MAN2B1: variants seen among roughly 807,000 people sequenced by gnomAD.
The protein encoded by MAN2B1 is lysosomal alpha-mannosidase.
A neutral mutation model predicts 127.5 loss-of-function variants in MAN2B1; 99 were observed. That is an observed-to-expected ratio of 0.78 (90% CI 0.66 to 0.92). The LOEUF (loss-of-function observed/expected upper bound fraction) is 0.92, where lower values mean the gene tolerates loss of function less well. Among genes scored for constraint, MAN2B1 ranks in the 40% least tolerant of loss-of-function variants. MAN2B1 has a pLI of 0.00. For missense variants in MAN2B1, 1,304 were observed against 1,384.8 expected (o/e 0.94, Z 0.93); for synonymous variants, 573 against 568.8 (o/e 1.01, Z -0.11).
chr19:12,648,225 C>T lies in MAN2B1; in HGVS notation c.2614G>A (p.Ala872Thr), dbSNP rs2023743167. The stretch of plus-strand genomic sequence containing the variant: ...TTGTAGGCGGCGCCGCCACCCGGGG[C>T]CAGCACCACCTGAGGGGCCAGGACC... The part of the protein sequence containing the change: ...QEVLAPQVVL[A>T]PGGGAAYNLG... The change falls in exon 21 of 24, where the codon GCC becomes ACC. Residue 872 changes from alanine (A) to threonine (T), a missense_variant. By Grantham distance (58) the Ala-to-Thr change is moderately conservative (BLOSUM62 0). Transcript: ENST00000456935. 2.5e-6 allele frequency: 4 copies of T among 1,581,788 alleles called. No homozygotes were observed. The highest frequency in any genetic ancestry group is 2.6e-6 in the Non-Finnish European group (3 of 1,169,872).
chr19:12,655,053 A>G (rs1231462498), intron 14 of MAN2B1, among the ~76,000 whole-genome samples: 3 of 152,060 alleles, frequency 2.0e-5, no homozygotes, highest in Admixed American at 6.6e-5. Flanking sequence ...TGCAACCTCG[A>G]ACTCCCCAGC....
Position 12,649,127 on chromosome 19 carries a change from C to A in MAN2B1, c.2436+9G>T. 6.2e-7 allele frequency: 1 copy of A among 1,611,242 alleles called. No individual in the cohort carries two copies. Among genetic ancestry groups the A allele is most frequent in the Non-Finnish European group, 8.5e-7 (1 of 1,179,258 alleles). ...GACCCTGGCTCGGATGGGGCTCTGA[C>A]CCACTCACCATGAGCTCCAGCGAGC... is the stretch of plus-strand genomic sequence containing the variant. On this transcript the variant is annotated intron_variant, in intron 20 of 23. Coordinates refer to ENST00000456935, the MANE Select transcript of MAN2B1 (RefSeq NM_000528.4).
intron 14 of MAN2B1, among the ~76,000 whole-genome samples, chr19:12,653,099 G>T (rs1040164168): frequency 6.6e-6 from 1 of 150,620 alleles, no homozygotes; most frequent in African/African-American, 2.4e-5. Context: ...CTCCCAAAGG[G>T]CTGGGATTAC....
intron 7 of MAN2B1, among the ~76,000 whole-genome samples, chr19:12,659,937 A>AT (rs2024064433): frequency 6.6e-6 from 1 of 152,160 alleles, no homozygotes; most frequent in Admixed American, 6.6e-5. Flanking sequence ...GGGAATGGAG[A>AT]TTGCACCGTA....
chr19:12,649,394 T>G lies in MAN2B1; in HGVS notation c.2302A>C (p.Thr768Pro). ...DYRPTWKLNQ[T>P]EPVAGNYYPV... The stretch of plus-strand genomic sequence containing the variant: ...TAGTAGTTTCCTGCCACGGGCTCCG[T>G]CTGGTTCAGTTTCCAGGTGGGTCGA... The change falls in exon 19 of 24, where the codon ACG (threonine) becomes CCG (proline). Residue 768 changes from threonine to proline, a missense_variant. Coordinates refer to ENST00000456935, the MANE Select transcript of MAN2B1 (RefSeq NM_000528.4). 6.2e-7 allele frequency: 1 copy of G among 1,612,910 alleles called. No individual in the cohort carries two copies. The highest frequency in any genetic ancestry group is 8.5e-7 in the Non-Finnish European group (1 of 1,179,630).
intron 13 of MAN2B1, 73 bp from the exon 14 acceptor site, chr19:12,655,952 T>A: frequency 7.7e-7 from 1 of 1,293,392 alleles, no homozygotes; most frequent in South Asian, 1.2e-5. Context: ...GACAAAAAAC[T>A]CAAGGAAGGA....
Position 12,656,994 on chromosome 19 carries a change from T to C in MAN2B1, c.1482A>G (p.Gln494=), listed in dbSNP as rs200174885. 3.8e-5 allele frequency: 62 copies of C among 1,613,638 alleles called. No homozygotes were observed. Among genetic ancestry groups the C allele is most frequent in the Non-Finnish European group, 4.9e-5 (58 of 1,180,018 alleles). The change falls in exon 12 of 24, where the codon CAA becomes CAG. Residue 494 remains glutamine, a synonymous_variant. Coordinates refer to ENST00000456935, the MANE Select transcript of MAN2B1 (RefSeq NM_000528.4). ...GCGGGCAGATGCTGATGTTTAGCTGTTGGCAAAAGGTGAAGTGATCTTTGA... is the reference window on the plus strand; with the variant it reads ...GCGGGCAGATGCTGATGTTTAGCTGCTGGCAAAAGGTGAAGTGATCTTTGA... ...RGFKDHFTFC[Q]QLNISICPLS... is the part of the protein sequence containing the mutation.
intron 14 of MAN2B1, among the ~76,000 whole-genome samples, chr19:12,652,845 T>A (rs571660742): frequency 2.0e-4 from 30 of 152,146 alleles, no homozygotes; most frequent in African/African-American, 6.7e-4. Context: ...TTTTTATTTT[T>A]TTTTTTTGAG....
chr19:12,647,459 A>T lies in MAN2B1; in HGVS notation c.2804T>A (p.Val935Asp). Residue 935 changes from valine to aspartate, a missense_variant, in exon 22 of 24, where the codon GTT (valine) becomes GAT (aspartate). Physicochemically the swap from Val to Asp is radical, Grantham distance 152 (BLOSUM62 -3). Transcript: ENST00000456935. This position sits in a 1 kb window ranked among gnomAD's most constrained non-coding sequence, Gnocchi z 4.9. ...CCTTCTCACCCTCAAGTTCAAGGTA[A>T]CGGGGGCGCTCAGGTTACGTCCGGA... ...EDSGRNLSAP[V>D]TLNLRDLFST... The T allele has an allele frequency of 6.2e-7, 1 of 1,614,178 alleles. No homozygotes were observed. Among genetic ancestry groups the T allele is most frequent in the Non-Finnish European group, 8.5e-7 (1 of 1,180,016 alleles).
In MAN2B1 at chr19:12,647,718, G is replaced by C. The variant is rs370921236; in HGVS notation, c.2665-120C>G. 1.2e-4 allele frequency: 98 copies of C among 800,290 alleles called. No homozygotes were observed. The highest frequency in any genetic ancestry group is 1.6e-4 in the Non-Finnish European group (84 of 509,272). The allele number at this position is 800,290 out of a possible 1,614,324, so 49.6% of individuals were successfully genotyped here. A position where few individuals can be genotyped will look rare whatever the true frequency, so the allele number is the denominator to read the frequency against. ...AGGGGCGGGGTTTCGCCGGAGAGGG[G>C]CAAGGCTCAGCCGAGAGGAGCGGCC... is the stretch of plus-strand genomic sequence containing the variant. On this transcript the variant is annotated intron_variant, in intron 21 of 23. Coordinates refer to ENST00000456935, the MANE Select transcript of MAN2B1 (RefSeq NM_000528.4). The surrounding 1 kb of genome is among the most constrained non-coding windows in gnomAD (Gnocchi z 4.9).
chr19:12,654,391 G>A (rs1048185821), intron 14 of MAN2B1, among the ~76,000 whole-genome samples: 1 of 152,022 alleles, frequency 6.6e-6, no homozygotes, highest in African/African-American at 2.4e-5. Flanking sequence ...GCCTTCCAGG[G>A]CCAGTGCAGT....
In MAN2B1 at chr19:12,655,748, T is replaced by C; in HGVS notation, c.1776A>G (p.Ala592=). 6.2e-7 allele frequency: 1 copy of C among 1,608,920 alleles called. No homozygotes were observed. Among genetic ancestry groups the C allele is most frequent in the South Asian group, 1.1e-5 (1 of 90,854 alleles). The change falls in exon 14 of 24, where the codon GCA becomes GCG. Residue 592 remains alanine, a synonymous_variant. Coordinates refer to ENST00000456935, the MANE Select transcript of MAN2B1 (RefSeq NM_000528.4). ...AGGATCTTCTGGGGATGGGCTGTGG[T>C]GCGCGGGCCTGGGGCTTCCAGCGAG... is the stretch of plus-strand genomic sequence containing the variant. The part of the protein sequence containing the change: ...QVPRWKPQAR[A]PQPIPRRSWS...
intron 7 of MAN2B1, among the ~76,000 whole-genome samples, chr19:12,659,619 G>C (rs1262986216): frequency 6.6e-6 from 1 of 151,076 alleles, no homozygotes; most frequent in Non-Finnish European, 1.5e-5. Context: ...GGAGTTTTGA[G>C]ACCAGCCTGG....
chr19:12,654,915 C>T, intron 14 of MAN2B1, among the ~76,000 whole-genome samples: 1 of 152,198 alleles, frequency 6.6e-6, no homozygotes, highest in East Asian at 1.9e-4. Context: ...ATCCACCCAC[C>T]TCAGCCTCCC....
In MAN2B1 at chr19:12,647,067, C is replaced by T. The variant is rs1446571117; in HGVS notation, c.2923+166G>A. On this transcript the variant is annotated intron_variant, in intron 23 of 23. Coordinates refer to ENST00000456935, the MANE Select transcript of MAN2B1 (RefSeq NM_000528.4). The surrounding 1 kb of genome is among the most constrained non-coding windows in gnomAD (Gnocchi z 4.9). ...ACCTCAAGACCCATTCCTGGTTTGC[C>T]GCACCCATTTCAGATCCTTTAAGCC... is the stretch of plus-strand genomic sequence containing the variant. The T allele has an allele frequency of 1.7e-5, 11 of 663,088 alleles. No homozygotes were observed. Among genetic ancestry groups the T allele is most frequent in the East Asian group, 1.3e-4 (5 of 37,348 alleles). The allele number at this position is 663,088 out of a possible 1,614,324, so 41.1% of individuals were successfully genotyped here.
intron 6 of MAN2B1, 29 bp from the exon 7 acceptor site, chr19:12,661,405 A>G (rs2024103115): frequency 3.4e-6 from 5 of 1,449,660 alleles, no homozygotes; most frequent in Non-Finnish European, 4.9e-6. Flanking sequence ...TCCTGAAGCC[A>G]GAGGATCCTG....
At chr19:12,649,477 C>CTTTTTTTTTTTTTGTTTTTTT (rs2023786186) in intron 18 of MAN2B1, 49 bp from the exon 19 acceptor site, 1 of 323,656 alleles carries the variant, frequency 3.1e-6, no homozygotes, top group African/African-American at 6.5e-5. Context: ...CTCCCCAACT[C>CTTTTTTTTTTTTTGTTTTTTT]TTTTTTTTTT....
intron 16 of MAN2B1, among the ~76,000 whole-genome samples, chr19:12,650,570 G>C (rs1258336671): frequency 6.6e-6 from 1 of 151,932 alleles, no homozygotes; most frequent in African/African-American, 2.4e-5. Context: ...GTGTTAGCAA[G>C]GATGGTCTCG....
intron 18 of MAN2B1, 138 bp downstream of exon 18, chr19:12,649,775 C>G (rs978459319): frequency 1.0e-5 from 8 of 777,424 alleles, no homozygotes; most frequent in Non-Finnish European, 1.8e-5. Flanking sequence ...AGCCACTGCA[C>G]CCTGCCTGGC....
Sources: gnomAD v4.1 joint callset for allele counts (sites outside exome capture counted in the v4.1 genomes callset) on GRCh38, gnomAD v4.1.1 for gene constraint, Gnocchi (gnomAD v3.1) non-coding constraint, MANE v1.5 for transcripts, NCBI Gene and HGNC (gene_info 2026-07-23, HGNC 2026-07-21) for gene names.